Variants in BABAM2 observed in about 807,000 individuals in gnomAD.
The protein encoded by BABAM2 is BRISC and BRCA1-A complex member 2.
Under a neutral mutation model 54.7 loss-of-function variants are expected in BABAM2, and 31 were observed. The ratio of observed to expected loss-of-function variants is 0.57; its 90% CI spans 0.43 to 0.77. The LOEUF is 0.77. BABAM2 is among the 30% of genes least tolerant of loss of function. The pLI is 0.00. For synonymous variants in BABAM2, 167 were observed against 162.9 expected (o/e 1.03, Z -0.19); for missense variants, 364 against 455.8 (o/e 0.80, Z 1.83).
chr2:28,179,415 T>C (rs750912025), intron 7 of BABAM2, among the ~76,000 whole-genome samples: 6 of 152,170 alleles, frequency 3.9e-5, no homozygotes, highest in African/African-American at 9.6e-5. Context: ...AGAAAAAGCA[T>C]TGGATAAAAC....
At chr2:27,950,517 A>G (rs1669629592) in intron 3 of BABAM2, among the ~76,000 whole-genome samples, 1 of 152,066 alleles carries the variant, frequency 6.6e-6, no homozygotes, top group African/African-American at 2.4e-5. Flanking sequence ...GTTTTGATGT[A>G]GTGTCCTTTC....
At chr2:28,079,626 G>T (rs1192287395) in intron 6 of BABAM2, among the ~76,000 whole-genome samples, 2 of 152,008 alleles carry the variant, frequency 1.3e-5, no homozygotes, top group Non-Finnish European at 2.9e-5. Flanking sequence ...TGAGCTCTAG[G>T]CCTTTGGTCA....
At chr2:27,933,840 G>A (rs192897361) in intron 3 of BABAM2, among the ~76,000 whole-genome samples, 138 of 144,294 alleles carry the variant, frequency 9.6e-4, no homozygotes, top group African/African-American at 3.5e-3. Context: ...GGGCTCAAGT[G>A]TTCTTCCTGC....
intron 4 of BABAM2, among the ~76,000 whole-genome samples, chr2:28,014,200 C>G (rs1430823593): frequency 6.6e-6 from 1 of 152,090 alleles, no homozygotes; most frequent in African/African-American, 2.4e-5. Flanking sequence ...TTTCACTGAA[C>G]TATTCACTGT....
At chr2:28,002,673 C>G (rs1049524128) in intron 4 of BABAM2, among the ~76,000 whole-genome samples, 1 of 151,750 alleles carries the variant, frequency 6.6e-6, no homozygotes, top group African/African-American at 2.4e-5. Context: ...AAAAAAGAAA[C>G]CAGAGAAAAC....
intron 7 of BABAM2, among the ~76,000 whole-genome samples, chr2:28,230,974 T>C (rs1037847784): frequency 6.6e-6 from 1 of 152,206 alleles, no homozygotes; most frequent in East Asian, 1.9e-4. Context: ...GATTAGACTT[T>C]TAAAAATTCT....
intron 10 of BABAM2, among the ~76,000 whole-genome samples, chr2:28,273,375 A>G (rs762082935): frequency 1.3e-5 from 2 of 152,128 alleles, no homozygotes; most frequent in African/African-American, 4.8e-5. Context: ...CCACTGTTCA[A>G]TCTGAAAGGG....
intron 10 of BABAM2, among the ~76,000 whole-genome samples, chr2:28,250,331 T>TC (rs1683330118): frequency 6.7e-6 from 1 of 150,110 alleles, no homozygotes; most frequent in African/African-American, 2.4e-5. Flanking sequence ...TTTTTTTTTT[T>TC]TTTTTTTTAG....
chr2:28,076,646 C>A (rs917052587), intron 6 of BABAM2, among the ~76,000 whole-genome samples: 1 of 151,976 alleles, frequency 6.6e-6, no homozygotes, highest in African/African-American at 2.4e-5. Flanking sequence ...CAGGTGCCCA[C>A]CACCATGCCT....
intron 2 of BABAM2, among the ~76,000 whole-genome samples, chr2:27,901,366 A>G (rs192148029): frequency 6.6e-6 from 1 of 152,330 alleles, no homozygotes; most frequent in East Asian, 1.9e-4. Flanking sequence ...AACCTGTGGC[A>G]GCTGAGCCTC....
intron 6 of BABAM2, among the ~76,000 whole-genome samples, chr2:28,122,016 CA>C (rs1669116716): frequency 6.6e-6 from 1 of 152,062 alleles, no homozygotes; most frequent in African/African-American, 2.4e-5. Flanking sequence ...AGATTGAGAC[CA>C]TCCTGGCTAA....
chr2:27,993,498 G>T (rs958627784), intron 4 of BABAM2, among the ~76,000 whole-genome samples: 1 of 152,180 alleles, frequency 6.6e-6, no homozygotes, highest in African/African-American at 2.4e-5. Flanking sequence ...GCAACACCCT[G>T]TGGTATGTTC....
In BABAM2 at chr2:27,972,376, A is replaced by G. The variant is rs1022158243; in HGVS notation, c.206-15617A>G. Among the ~76,000 whole-genome samples the G allele has an allele frequency of 6.6e-5, 10 of 152,354 alleles. No homozygotes were observed. The East Asian group carries it at 9.6e-4, about 15-fold the overall frequency. ...AAGAAAGAACTTTTTTCAACGGGTA[A>G]TAACTGCCAAGGAACAGAGTGTGGT... is the stretch of plus-strand genomic sequence containing the variant. On this transcript the variant is annotated intron_variant, in intron 3 of 11. Transcript: ENST00000379624.
At chr2:28,020,586 A>G (rs1037921727) in intron 4 of BABAM2, among the ~76,000 whole-genome samples, 1 of 152,144 alleles carries the variant, frequency 6.6e-6, no homozygotes, top group Non-Finnish European at 1.5e-5. Context: ...ATCATAATGT[A>G]TATATAGATT....
chr2:28,270,424 C>T (rs1685326360), intron 10 of BABAM2, among the ~76,000 whole-genome samples: 1 of 152,188 alleles, frequency 6.6e-6, no homozygotes, highest in Admixed American at 6.5e-5. Context: ...CCTGGCCCCT[C>T]ATGAAACTTA....
At chr2:28,268,265 A>G (rs1295832866) in intron 10 of BABAM2, among the ~76,000 whole-genome samples, 7 of 152,220 alleles carry the variant, frequency 4.6e-5, no homozygotes, top group Admixed American at 3.9e-4. Flanking sequence ...TGAGCCTAGA[A>G]ATTGAGTCTA....
chr2:27,957,563 T>C (rs1164765957), intron 3 of BABAM2, among the ~76,000 whole-genome samples: 1 of 152,198 alleles, frequency 6.6e-6, no homozygotes, highest in Non-Finnish European at 1.5e-5. Flanking sequence ...TATCTAAGCC[T>C]ACTCTAGACA....
At chr2:28,093,433 G>A (rs1666331490) in intron 6 of BABAM2, among the ~76,000 whole-genome samples, 1 of 152,084 alleles carries the variant, frequency 6.6e-6, no homozygotes, top group African/African-American at 2.4e-5. Context: ...TACCACACCA[G>A]TCACTACCAT....
chr2:27,984,258 C>G (rs1196308911), intron 3 of BABAM2, among the ~76,000 whole-genome samples: 1 of 151,466 alleles, frequency 6.6e-6, no homozygotes, highest in Non-Finnish European at 1.5e-5. Flanking sequence ...ATTTTTTTTC[C>G]TAAAGTAACT....
Sources: allele counts gnomAD v4.1 joint callset (sites outside exome capture counted in the v4.1 genomes callset), GRCh38; gene constraint gnomAD v4.1.1; transcripts MANE v1.5; gene names NCBI Gene and HGNC (gene_info 2026-07-23, HGNC 2026-07-21).